COL6A1: variants seen among roughly 807,000 people sequenced by gnomAD.
COL6A1 encodes the protein collagen type VI alpha 1 chain, also known as collagen alpha-1(VI) chain.
In COL6A1, 80 loss-of-function variants were observed where a neutral mutation model predicts 145.6. The ratio of observed to expected loss-of-function variants is 0.55; its 90% confidence interval spans 0.46 to 0.66. COL6A1 has a LOEUF of 0.66. COL6A1 is among the 30% of genes least tolerant of loss of function. The probability of loss-of-function intolerance (pLI) is 0.00; values close to 1 mark genes in which losing one functional copy is unlikely to be tolerated. For synonymous variants in COL6A1, 638 were observed against 622.8 expected (o/e 1.02, Z -0.36); for missense variants, 1,364 against 1,473.8 (o/e 0.93, Z 1.22).
chr21:45,992,834 G>T, intron 19 of COL6A1, 24 bp downstream of exon 19: 1 of 1,579,878 alleles, frequency 6.3e-7, no homozygotes, highest in Non-Finnish European at 8.6e-7. Flanking sequence ...CCTGGAGCTG[G>T]GAACCACCCC....
intron 31 of COL6A1, 68 bp from the exon 32 acceptor site, chr21:46,002,150 A>G: frequency 6.3e-7 from 1 of 1,575,914 alleles, no homozygotes; most frequent in Non-Finnish European, 8.6e-7. Flanking sequence ...CTGACCCCTG[A>G]TCCCAGGTGG....
At chr21:45,995,558 T>C (rs1331136286) in intron 20 of COL6A1, among the ~76,000 whole-genome samples, 1 of 152,220 alleles carries the variant, frequency 6.6e-6, no homozygotes, top group Non-Finnish European at 1.5e-5. Flanking sequence ...GCCTGTTTTA[T>C]ATGTTCAGTT....
chr21:45,983,454 A>C (rs1300399337), intron 2 of COL6A1, among the ~76,000 whole-genome samples: 1 of 152,060 alleles, frequency 6.6e-6, no homozygotes, highest in African/African-American at 2.4e-5. Context: ...GTGGGGACAC[A>C]GCTTAGCCGG....
At chr21:45,991,872 G>A (rs2077778702) in intron 15 of COL6A1, 138 bp from the exon 16 acceptor site, 1 of 800,400 alleles carries the variant, frequency 1.2e-6, no homozygotes, top group Admixed American at 2.1e-5. Context: ...TGAGGGTGCT[G>A]GGGGGTCTGG....
chr21:46,000,274 A>G (rs1000332415), intron 27 of COL6A1, 57 bp from the exon 28 acceptor site: 5 of 1,606,804 alleles, frequency 3.1e-6, no homozygotes, highest in Admixed American at 3.3e-5. Flanking sequence ...AGCAGCCCAC[A>G]GTCCCCGCTG....
intron 19 of COL6A1, among the ~76,000 whole-genome samples, chr21:45,993,721 G>A (rs2077789530): frequency 6.6e-6 from 1 of 152,192 alleles, no homozygotes; most frequent in African/African-American, 2.4e-5. Flanking sequence ...GGACGTCAAA[G>A]CAGGGATCGT....
chr21:45,982,612 C>T, intron 1 of COL6A1, 22 bp from the exon 2 acceptor site: 1 of 1,612,614 alleles, frequency 6.2e-7, no homozygotes, highest in South Asian at 1.1e-5. Flanking sequence ...CTTGAAGGCC[C>T]CTCTCCTCCA....
At chr21:45,986,214 C>T (rs1299247015) in intron 3 of COL6A1, among the ~76,000 whole-genome samples, 1 of 152,194 alleles carries the variant, frequency 6.6e-6, no homozygotes, top group Non-Finnish European at 1.5e-5. Flanking sequence ...CGCTCCCTGC[C>T]ACCCTCAGCC....
intron 19 of COL6A1, among the ~76,000 whole-genome samples, chr21:45,993,231 G>A (rs530115833): frequency 5.4e-4 from 82 of 152,276 alleles, no homozygotes; most frequent in African/African-American, 1.8e-3. Flanking sequence ...AGATGCCGGC[G>A]GCCTCAGAGG....
intron 13 of COL6A1, 93 bp from the exon 14 acceptor site, chr21:45,990,680 G>A (rs1175505017): frequency 5.2e-6 from 6 of 1,158,234 alleles, no homozygotes; most frequent in African/African-American, 1.5e-5. Flanking sequence ...CAGGGAGGGT[G>A]TGGAGGGCAT....
chr21:45,991,885 T>A (rs982972759), intron 15 of COL6A1, 125 bp from the exon 16 acceptor site: 2 of 921,740 alleles, frequency 2.2e-6, no homozygotes, highest in Admixed American at 4.1e-5. Flanking sequence ...GGGTCTGGGC[T>A]CAGACAGTGT....
At position 45,981,808 on chromosome 21, in the gene COL6A1, ACT is replaced by A; in HGVS notation, c.-40_-39del. ...GGTCTCTGGGCGGCGGCGGCGGCCCACTCTGCCCTGGCCGCGCTGTGTGGTGA... is the reference window on the plus strand; with the variant it reads ...GGTCTCTGGGCGGCGGCGGCGGCCCACTGCCCTGGCCGCGCTGTGTGGTGA... On this transcript the variant is annotated 5_prime_UTR_variant, in exon 1 of 35. Coordinates refer to ENST00000361866, the MANE Select transcript of COL6A1 (RefSeq NM_001848.3). 2.0e-6 allele frequency: 3 copies of A among 1,487,196 alleles called. No homozygotes were observed. The highest frequency in any genetic ancestry group is 2.7e-6 in the Non-Finnish European group (3 of 1,101,556). 92.1% of individuals were successfully genotyped at this position (1,487,196 alleles called of 1,614,324 possible). A position where few individuals can be genotyped will look rare whatever the true frequency, so the allele number is the denominator to read the frequency against.
rs141125798 is a variant in COL6A1 at position 45,999,817 on chromosome 21, G to A, written c.1776+125G>A. On this transcript the variant is annotated intron_variant, in intron 27 of 34. Coordinates refer to ENST00000361866, the MANE Select transcript of COL6A1 (RefSeq NM_001848.3). ...CGGGGGGGTGGGTTGTGGACAAAGA[G>A]CTGGTGCCAGGCCCTAGGGACCCGT... 5.1e-5 allele frequency: 40 copies of A among 783,374 alleles called. No individual in the cohort carries two copies. The African/African-American group carries it at 6.6e-4, about 13-fold the overall frequency. The allele number at this position is 783,374 out of a possible 1,614,324, so 48.5% of individuals were successfully genotyped here. A position where few individuals can be genotyped will look rare whatever the true frequency, so the allele number is the denominator to read the frequency against.
In COL6A1 at chr21:45,994,386, A is replaced by G. The variant is rs1320254523; in HGVS notation, c.1398+157A>G. Among the ~76,000 whole-genome samples, 1 of 151,492 alleles carries G rather than the reference A, an allele frequency of 6.6e-6. No homozygotes were observed. Among genetic ancestry groups the G allele is most frequent in the Non-Finnish European group, 1.5e-5 (1 of 67,846 alleles). ...GTGTCCCTGCGTGGGAGCCGGCTGCAGGGGGTGAGGCGCGGCCTGGGCCGG... is the reference window on the plus strand; with the variant it reads ...GTGTCCCTGCGTGGGAGCCGGCTGCGGGGGGTGAGGCGCGGCCTGGGCCGG... On this transcript the variant is annotated intron_variant, in intron 20 of 34. Coordinates refer to ENST00000361866, the MANE Select transcript of COL6A1 (RefSeq NM_001848.3). The surrounding 1 kb of genome is among the most constrained non-coding windows in gnomAD (Gnocchi z 6.8).
intron 11 of COL6A1, among the ~76,000 whole-genome samples, chr21:45,990,045 G>T (rs1603590736): frequency 7.1e-6 from 1 of 140,440 alleles, no homozygotes; most frequent in South Asian, 2.2e-4. Flanking sequence ...GGTCCCCCGG[G>T]CGGTTACCCT....
chr21:45,990,012 CGGTT>C (rs2077764978), intron 11 of COL6A1, among the ~76,000 whole-genome samples: 2 of 11,410 alleles, frequency 1.8e-4, no homozygotes, highest in Non-Finnish European at 3.9e-4. Context: ...GTCCCCCGGG[CGGTT>C]ACCCTCTGCG....
intron 27 of COL6A1, among the ~76,000 whole-genome samples, 190 bp downstream of exon 27, chr21:45,999,882 T>C (rs1489305673): frequency 2.0e-5 from 1 of 51,262 alleles, no homozygotes; most frequent in South Asian, 6.9e-4. Flanking sequence ...TAGGGGGATG[T>C]GTGAGGACCA....
intron 27 of COL6A1, among the ~76,000 whole-genome samples, chr21:45,999,965 C>CAT (rs563227704): frequency 0.47 from 654 of 1,390 alleles, 221 homozygotes; most frequent in East Asian, 0.5. Context: ...CATGGGAGGA[C>CAT]GTGAGGATCA....
At position 46,003,684 on chromosome 21, in the gene COL6A1, C is replaced by G; in HGVS notation, c.2758C>G (p.Leu920Val). 6.2e-7 allele frequency: 1 copy of G among 1,613,100 alleles called. No homozygotes were observed. Among genetic ancestry groups the G allele is most frequent in the Non-Finnish European group, 8.5e-7 (1 of 1,179,942 alleles). Residue 920 changes from leucine (L) to valine (V), a missense_variant, in exon 35 of 35, where the codon CTG (leucine) becomes GTG (valine). Around this residue, in one of 3 missense-constraint regions of COL6A1, gnomAD observed 938 missense variants for 1,003.8 expected, o/e 0.93. Coordinates refer to ENST00000361866, the MANE Select transcript of COL6A1 (RefSeq NM_001848.3). ...INDATDVNDA[L>V]GYVTRFYREA... Reference sequence around the variant, plus strand: ...CGACGCCACCGACGTCAACGATGCCCTGGGCTATGTGACCCGCTTCTACCG... The same window carrying G: ...CGACGCCACCGACGTCAACGATGCCGTGGGCTATGTGACCCGCTTCTACCG...
Sources: gnomAD v4.1 joint callset for allele counts (sites outside exome capture counted in the v4.1 genomes callset) on GRCh38, gnomAD v4.1.1 for gene constraint, gnomAD v4.1.1 regional missense constraint, Gnocchi (gnomAD v3.1) non-coding constraint, MANE v1.5 for transcripts, NCBI Gene and HGNC (gene_info 2026-07-23, HGNC 2026-07-21) for gene names.